The following PDLIM5 variants were observed in gnomAD, a reference collection of about 807,000 sequenced individuals.
The protein encoded by PDLIM5 is PDZ and LIM domain 5.
Under a neutral mutation model 64.2 loss-of-function variants are expected in PDLIM5, and 34 were observed. That is an observed-to-expected ratio of 0.53 (90% CI 0.40 to 0.71). The LOEUF (loss-of-function observed/expected upper bound fraction) is 0.71. Ranked by LOEUF, PDLIM5 falls within the 30% of genes least tolerant of loss-of-function variation. PDLIM5 has a pLI of 0.00. For synonymous variants in PDLIM5, 253 were observed against 269.1 expected, an observed-to-expected ratio of 0.94 and a Z score of 0.59; for missense variants, 683 against 733.6, an observed-to-expected ratio of 0.93 and a Z score of 0.80.
At chr4:94,471,571 G>A (rs1473930372) in intron 2 of PDLIM5, among the ~76,000 whole-genome samples, 1 of 151,978 alleles carries the variant, frequency 6.6e-6, no homozygotes, top group East Asian at 1.9e-4. Context: ...TTAGTGAACT[G>A]TATTCTACAT....
chr4:94,560,188 G>C (rs1046303904), intron 3 of PDLIM5, among the ~76,000 whole-genome samples: 2 of 152,130 alleles, frequency 1.3e-5, no homozygotes, highest in African/African-American at 4.8e-5. Flanking sequence ...GGGGAATTCA[G>C]AAAAGGAGTC....
intron 9 of PDLIM5, among the ~76,000 whole-genome samples, chr4:94,648,902 G>T (rs770245081): frequency 1.1e-4 from 16 of 152,108 alleles, no homozygotes; most frequent in Non-Finnish European, 1.9e-4. Flanking sequence ...ATTAGGTCAG[G>T]CCCATCCAGG....
chr4:94,573,285 TAAG>T, intron 3 of PDLIM5, 63 bp from the exon 4 acceptor site: 1 of 1,241,258 alleles, frequency 8.1e-7, no homozygotes, highest in Non-Finnish European at 1.2e-6. Context: ...AAAATTCCAT[TAAG>T]AAGTCTGCAA....
At chr4:94,607,203 T>A (rs1737999306) in intron 7 of PDLIM5, among the ~76,000 whole-genome samples, 2 of 152,174 alleles carry the variant, frequency 1.3e-5, no homozygotes, top group African/African-American at 4.8e-5. Flanking sequence ...TCCTTTCCTA[T>A]TTTTTAATCC....
chr4:94,461,928 G>A (rs891351380), intron 2 of PDLIM5, among the ~76,000 whole-genome samples: 25 of 152,188 alleles, frequency 1.6e-4, no homozygotes, highest in Admixed American at 1.2e-3. Flanking sequence ...GCAGTGGCGC[G>A]ATCTCGGCTC....
intron 7 of PDLIM5, among the ~76,000 whole-genome samples, chr4:94,598,178 A>T (rs1259830598): frequency 6.6e-6 from 1 of 152,174 alleles, no homozygotes; most frequent in East Asian, 1.9e-4. Context: ...AAGCAGGGAG[A>T]TATAGCATAC....
In PDLIM5 at chr4:94,665,605, A is replaced by G; in HGVS notation, c.*1538A>G. The G allele has an allele frequency of 1.0e-6, 1 of 989,234 alleles. No homozygotes were observed. The highest frequency in any genetic ancestry group is 1.2e-6 in the Non-Finnish European group (1 of 831,248). 61.3% of individuals were successfully genotyped at this position (989,234 alleles called of 1,614,324 possible). The stretch of plus-strand genomic sequence containing the variant: ...TTCAATCCCCTTTTCTCAAATAATA[A>G]ATTAGTTAAATCAGTTTCTGAGTTA... On this transcript the variant is annotated 3_prime_UTR_variant, in exon 13 of 13. Transcript: ENST00000317968.
In PDLIM5 at chr4:94,639,641, A is replaced by C. The variant is rs567249486; in HGVS notation, c.1109-635A>C. ...AGGAACAGAGAGAATATAGTGAGTT[A>C]ATTTTTGGTTTTGTTATCTTCAATA... On this transcript the variant is annotated intron_variant, in intron 8 of 12. Coordinates refer to ENST00000317968, the MANE Select transcript of PDLIM5 (RefSeq NM_006457.5). Among the ~76,000 whole-genome samples the C allele has an allele frequency of 4.6e-5, 7 of 152,278 alleles. No individual in the cohort carries two copies. In the East Asian group the frequency reaches 1.3e-3, roughly 29 times the overall value.
At position 94,586,370 on chromosome 4, in the gene PDLIM5, A is replaced by G. The variant is rs771211932; in HGVS notation, c.884-38A>G. 1.1e-5 allele frequency: 13 copies of G among 1,192,810 alleles called. No individual in the cohort carries two copies. The African/African-American group carries it at 1.8e-4, about 17-fold the overall frequency. The allele number at this position is 1,192,810 out of a possible 1,614,324, so 73.9% of individuals were successfully genotyped here. A position where few individuals can be genotyped will look rare whatever the true frequency, so the allele number is the denominator to read the frequency against. Reference sequence around the variant, plus strand: ...GCTTAAGTGATTTTGAAGTTAAACAAAACAAACTAATATTGGATATTGCTT... The same window carrying G: ...GCTTAAGTGATTTTGAAGTTAAACAGAACAAACTAATATTGGATATTGCTT... On this transcript the variant is annotated intron_variant, in intron 6 of 12. Coordinates refer to ENST00000317968, the MANE Select transcript of PDLIM5 (RefSeq NM_006457.5).
chr4:94,623,290 A>G (rs1335338022), intron 8 of PDLIM5, among the ~76,000 whole-genome samples: 2 of 152,134 alleles, frequency 1.3e-5, no homozygotes, highest in Admixed American at 1.3e-4. Context: ...ACTGTTCCCT[A>G]TAGTCCACTC....
chr4:94,541,141 C>T (rs766160093), intron 3 of PDLIM5, among the ~76,000 whole-genome samples: 2 of 152,194 alleles, frequency 1.3e-5, no homozygotes, highest in Non-Finnish European at 2.9e-5. Context: ...ACCTCTTATG[C>T]CATTACACTT....
At chr4:94,457,003 G>A (rs1723432974) in intron 2 of PDLIM5, 3 of 977,300 alleles carry the variant, frequency 3.1e-6, no homozygotes, top group Non-Finnish European at 3.6e-6. Context: ...CTTAAATTTA[G>A]TTAGTTGTTT....
intron 2 of PDLIM5, among the ~76,000 whole-genome samples, chr4:94,457,795 C>T (rs1304975154): frequency 3.3e-5 from 5 of 152,232 alleles, no homozygotes; most frequent in Non-Finnish European, 5.9e-5. Flanking sequence ...TCCCCTGGCA[C>T]AGAAGAAATG....
At chr4:94,452,750 G>A (rs1722973870) in intron 1 of PDLIM5, among the ~76,000 whole-genome samples, 1 of 152,186 alleles carries the variant, frequency 6.6e-6, no homozygotes, top group Non-Finnish European at 1.5e-5. Context: ...CAGATTTAGG[G>A]TGTGATCGCC....
intron 2 of PDLIM5, chr4:94,456,841 G>T: frequency 8.9e-7 from 1 of 1,119,796 alleles, no homozygotes; most frequent in Non-Finnish European, 1.1e-6. Flanking sequence ...CAAGTGCTGT[G>T]AATGCATCAT....
At chr4:94,562,708 A>G (rs1244904410) in intron 3 of PDLIM5, among the ~76,000 whole-genome samples, 2 of 152,146 alleles carry the variant, frequency 1.3e-5, no homozygotes, top group Non-Finnish European at 2.9e-5. Flanking sequence ...ATTTTAGGTC[A>G]TTTCTTAATC....
At chr4:94,480,594 T>C (rs114115541) in intron 2 of PDLIM5, among the ~76,000 whole-genome samples, 3,931 of 152,252 alleles carry the variant, frequency 0.026, 71 homozygotes, top group Middle Eastern at 0.061. Context: ...GCTGGGACTG[T>C]AGAGCCAGGG....
chr4:94,563,958 C>CTTTTTTTTTT lies in PDLIM5; in HGVS notation c.249-9386_249-9377dup, dbSNP rs796820308. Among the ~76,000 whole-genome samples the CTTTTTTTTTT allele has an allele frequency of 1.3e-4, 15 of 119,352 alleles. 1 individual carries two copies. Among genetic ancestry groups the CTTTTTTTTTT allele is most frequent in the Non-Finnish European group, 1.4e-4 (8 of 57,742 alleles). The allele number at this position is 119,352 out of a possible 152,430, so 78.3% of individuals were successfully genotyped here. A position where few individuals can be genotyped will look rare whatever the true frequency, so the allele number is the denominator to read the frequency against. ...TTTTCTTTTTTTTTTTTCTTTCTTT[C>CTTTTTTTTTT]TTTTTTTTTTTTTTTTCTGTTTTGA... On this transcript the variant is annotated intron_variant, in intron 3 of 12. Coordinates refer to ENST00000317968, the MANE Select transcript of PDLIM5 (RefSeq NM_006457.5).
intron 8 of PDLIM5, among the ~76,000 whole-genome samples, chr4:94,626,403 A>C (rs1456629802): frequency 6.6e-6 from 1 of 152,232 alleles, no homozygotes; most frequent in Non-Finnish European, 1.5e-5. Flanking sequence ...AGAAAAGTCA[A>C]AAGAATTGTT....
Sources: gnomAD v4.1 joint callset for allele counts (sites outside exome capture counted in the v4.1 genomes callset) on GRCh38, gnomAD v4.1.1 for gene constraint, MANE v1.5 for transcripts, NCBI Gene and HGNC (gene_info 2026-07-23, HGNC 2026-07-21) for gene names.